Variants in NRXN1 observed in about 807,000 individuals in gnomAD.
The protein encoded by NRXN1 is neurexin-1.
NRXN1 carries 39 observed loss-of-function variants against 150.9 expected under a neutral mutation model. The observed-to-expected ratio is 0.26, with a 90% CI of 0.20 to 0.34. NRXN1 has a LOEUF of 0.34. NRXN1 is among the 10% of genes least tolerant of loss of function. The probability of loss-of-function intolerance (pLI) is 1.00; values close to 1 mark genes in which losing one functional copy is unlikely to be tolerated. For missense variants in NRXN1, 1,815 were observed against 1,949.9 expected, an observed-to-expected ratio of 0.93 and a Z score of 1.30; for synonymous variants, 924 against 757.0, an observed-to-expected ratio of 1.22 and a Z score of -3.62.
chr2:50,127,821 A>G (rs1341274222), intron 18 of NRXN1, among the ~76,000 whole-genome samples: 1 of 152,232 alleles, frequency 6.6e-6, no homozygotes, highest in East Asian at 1.9e-4. Context: ...TTCAGGTACA[A>G]TAAAGGTCAG....
chr2:50,390,560 G>A (rs1268815510), intron 17 of NRXN1, among the ~76,000 whole-genome samples: 1 of 152,150 alleles, frequency 6.6e-6, no homozygotes, highest in South Asian at 2.1e-4. Context: ...GTTTGACTGT[G>A]TTCCCCAAAG....
intron 18 of NRXN1, among the ~76,000 whole-genome samples, chr2:50,190,800 C>T (rs767380489): frequency 2.6e-4 from 40 of 151,028 alleles, no homozygotes; most frequent in Non-Finnish European, 5.3e-4. Flanking sequence ...TTAGTAGAGA[C>T]GGGGTTTTTT....
chr2:50,317,894 C>G (rs1422230316), intron 17 of NRXN1, among the ~76,000 whole-genome samples: 1 of 152,004 alleles, frequency 6.6e-6, no homozygotes, highest in South Asian at 2.1e-4. Context: ...GTAACCTCAG[C>G]TATTCATGTT....
At chr2:50,049,300 T>C (rs1328951313) in intron 21 of NRXN1, among the ~76,000 whole-genome samples, 1 of 152,154 alleles carries the variant, frequency 6.6e-6, no homozygotes, top group Non-Finnish European at 1.5e-5. Flanking sequence ...TAAATAATCA[T>C]GAGAAGACCT....
chr2:50,320,285 TATATATATATATATATA>T (rs2075925796), intron 17 of NRXN1, among the ~76,000 whole-genome samples: 12 of 57,674 alleles, frequency 2.1e-4, no homozygotes, highest in Admixed American at 9.2e-4. Flanking sequence ...ACCTCAATCA[TATATATATATATATATA>T]TATATATATA....
intron 5 of NRXN1, among the ~76,000 whole-genome samples, chr2:50,658,115 G>C (rs1016402896): frequency 6.6e-6 from 1 of 151,850 alleles, no homozygotes; most frequent in Non-Finnish European, 1.5e-5. Context: ...CCTTTGTTTA[G>C]TTCAATGTGA....
chr2:50,087,043 T>C (rs1034511968), intron 19 of NRXN1, among the ~76,000 whole-genome samples: 1 of 152,180 alleles, frequency 6.6e-6, no homozygotes, highest in East Asian at 1.9e-4. Flanking sequence ...CCTAAATGAA[T>C]GCATGCTTGA....
In NRXN1 at chr2:50,232,228, T is replaced by C. The variant is rs887990429; in HGVS notation, c.3546+4561A>G. ...TCCAACAAATATTTATTGAGGTGGT[T>C]ACTAAACAACCAGCTCATTTATTTT... On this transcript the variant is annotated intron_variant, in intron 18 of 22. Coordinates refer to ENST00000401669, the MANE Select transcript of NRXN1 (RefSeq NM_001330078.2). Among the ~76,000 whole-genome samples, 3 of 152,144 alleles carry C rather than the reference T, an allele frequency of 2.0e-5. No individual in the cohort carries two copies. The South Asian group carries it at 6.2e-4, about 32-fold the overall frequency.
chr2:50,383,619 T>G (rs143769516), intron 17 of NRXN1, among the ~76,000 whole-genome samples: 1 of 152,196 alleles, frequency 6.6e-6, no homozygotes, highest in Admixed American at 6.6e-5. Context: ...GGCTTTATTT[T>G]CTTCTCAGAA....
intron 15 of NRXN1, among the ~76,000 whole-genome samples, chr2:50,476,796 T>A (rs1220808744): frequency 6.6e-6 from 1 of 152,174 alleles, no homozygotes; most frequent in African/African-American, 2.4e-5. Context: ...AGAGCTCCTT[T>A]GACTTAATTT....
At chr2:51,018,380 G>A (rs550633109) in intron 2 of NRXN1, among the ~76,000 whole-genome samples, 6 of 152,166 alleles carry the variant, frequency 3.9e-5, no homozygotes, top group East Asian at 1.9e-4. Context: ...AGTTTTGAGC[G>A]TGAGTAACTA....
At chr2:50,316,394 A>G (rs2075609169) in intron 17 of NRXN1, among the ~76,000 whole-genome samples, 1 of 152,100 alleles carries the variant, frequency 6.6e-6, no homozygotes, top group Non-Finnish European at 1.5e-5. Flanking sequence ...CAAACATTTA[A>G]TAGGGTAGCT....
rs534872660 is a variant in NRXN1 at position 50,264,997 on chromosome 2, C to T, written c.3365-28027G>A. 9.3e-4 allele frequency among the ~76,000 whole-genome samples: 141 copies of T among 152,096 alleles called. 2 individuals carry two copies. Among genetic ancestry groups the T allele is most frequent in the African/African-American group, 3.1e-3 (130 of 41,508 alleles). Reference sequence around the variant, plus strand: ...AGTTTAAAATAATTGATGGGTATAGCGCCCAAAGCATTAATTACATGTAGA... The same window carrying T: ...AGTTTAAAATAATTGATGGGTATAGTGCCCAAAGCATTAATTACATGTAGA... On this transcript the variant is annotated intron_variant, in intron 17 of 22. Transcript: ENST00000401669.
intron 2 of NRXN1, among the ~76,000 whole-genome samples, chr2:51,010,241 C>T (rs1032918386): frequency 6.6e-6 from 1 of 151,966 alleles, no homozygotes; most frequent in Non-Finnish European, 1.5e-5. Flanking sequence ...TATCCTTCAA[C>T]AATTTAAATA....
At chr2:50,472,492 T>C (rs2089588616) in intron 15 of NRXN1, 21 bp from the exon 16 acceptor site, 2 of 1,602,156 alleles carry the variant, frequency 1.2e-6, no homozygotes, top group Non-Finnish European at 1.7e-6. Context: ...ATCAAAGTCT[T>C]TGTTACAAAA....
chr2:50,443,016 G>A (rs1473438676), intron 17 of NRXN1, among the ~76,000 whole-genome samples: 2 of 152,160 alleles, frequency 1.3e-5, no homozygotes, highest in Non-Finnish European at 2.9e-5. Context: ...CCAGATTGGA[G>A]TGGGTTGAAT....
At chr2:50,942,540 C>G (rs1403869076) in intron 2 of NRXN1, among the ~76,000 whole-genome samples, 4 of 152,204 alleles carry the variant, frequency 2.6e-5, no homozygotes. Flanking sequence ...ACTCTTGCAT[C>G]TGCATGTCTT....
At chr2:50,472,147 T>G in intron 16 of NRXN1, 151 bp downstream of exon 16, 77 of 537,568 alleles carry the variant, frequency 1.4e-4, no homozygotes, top group Non-Finnish European at 2.0e-4. Context: ...TTAAGGTTTA[T>G]GAGATAAAAA....
At chr2:50,945,324 T>C (rs1391873361) in intron 2 of NRXN1, among the ~76,000 whole-genome samples, 2 of 152,032 alleles carry the variant, frequency 1.3e-5, no homozygotes, top group African/African-American at 4.8e-5. Context: ...AATTAGCTGG[T>C]GTGCTGGTGC....
Sources: gnomAD v4.1 joint callset for allele counts (sites outside exome capture counted in the v4.1 genomes callset) on GRCh38, gnomAD v4.1.1 for gene constraint, MANE v1.5 for transcripts, NCBI Gene and HGNC (gene_info 2026-07-23, HGNC 2026-07-21) for gene names.